Variants in PTPRT observed in about 807,000 individuals in gnomAD.
PTPRT encodes receptor-type tyrosine-protein phosphatase T.
In PTPRT, 56 loss-of-function variants were observed where a neutral mutation model predicts 176.8. That is an observed-to-expected ratio of 0.32 (90% CI 0.26 to 0.40). PTPRT has a LOEUF of 0.40. PTPRT is among the 10% of genes least tolerant of loss of function. The pLI is 1.00. For missense variants in PTPRT, 1,540 were observed against 1,908.2 expected, an observed-to-expected ratio of 0.81 and a Z score of 3.60; for synonymous variants, 783 against 739.0, an observed-to-expected ratio of 1.06 and a Z score of -0.96.
At chr20:43,069,458 T>C (rs75320808) in intron 1 of PTPRT, among the ~76,000 whole-genome samples, 2,610 of 152,258 alleles carry the variant, frequency 0.017, 51 homozygotes, top group East Asian at 0.076. Flanking sequence ...ACAGAATGAA[T>C]CCAACTTGCC....
In PTPRT at chr20:42,077,786, T is replaced by C. The variant is rs982488683; in HGVS notation, c.*3093A>G. On this transcript the variant is annotated 3_prime_UTR_variant, in exon 31 of 31. Coordinates refer to ENST00000373187, the MANE Select transcript of PTPRT (RefSeq NM_007050.6). ...GCTGGGGGAAATCATCACTGGCCCT[T>C]GCTGGGTTACCCCAACATGGCCTGA... 1 of 196,944 alleles carries C rather than the reference T, an allele frequency of 5.1e-6. No individual in the cohort carries two copies. The highest frequency in any genetic ancestry group is 1.0e-5 in the Non-Finnish European group (1 of 95,990). 12.2% of individuals were successfully genotyped at this position (196,944 alleles called of 1,614,324 possible).
At chr20:42,248,534 T>G (rs1159172620) in intron 14 of PTPRT, among the ~76,000 whole-genome samples, 153 bp downstream of exon 14, 1 of 152,086 alleles carries the variant, frequency 6.6e-6, no homozygotes, top group Non-Finnish European at 1.5e-5. Context: ...AGCAACACAA[T>G]GAACCACAGC....
At chr20:42,381,197 G>C (rs1349551777) in intron 9 of PTPRT, among the ~76,000 whole-genome samples, 1 of 152,108 alleles carries the variant, frequency 6.6e-6, no homozygotes, top group Non-Finnish European at 1.5e-5. Context: ...ATTTGGGTGG[G>C]GACACAGATT....
At chr20:42,958,332 AGG>A (rs373123335) in intron 1 of PTPRT, among the ~76,000 whole-genome samples, 14 of 57,818 alleles carry the variant, frequency 2.4e-4, no homozygotes, top group South Asian at 2.2e-3. Context: ...GCAAGGGAGG[AGG>A]GAGGGGAGAG....
chr20:42,422,404 CT>C (rs1181450091), intron 9 of PTPRT, among the ~76,000 whole-genome samples: 2 of 152,136 alleles, frequency 1.3e-5, no homozygotes, highest in East Asian at 3.8e-4. Context: ...TGAGCAGACA[CT>C]TTTCAAAAGA....
chr20:43,152,087 T>C (rs2014373314), intron 1 of PTPRT, among the ~76,000 whole-genome samples: 1 of 152,188 alleles, frequency 6.6e-6, no homozygotes, highest in Non-Finnish European at 1.5e-5. Context: ...TTCCTCGTCA[T>C]GGAAACAACT....
chr20:42,124,478 G>A (rs1040136931), intron 19 of PTPRT, among the ~76,000 whole-genome samples: 8 of 152,208 alleles, frequency 5.3e-5, no homozygotes, highest in South Asian at 2.1e-4. Flanking sequence ...ACCTGCCAGC[G>A]GGATGGTTCA....
chr20:43,092,616 T>C (rs966949784), intron 1 of PTPRT, among the ~76,000 whole-genome samples: 2 of 152,232 alleles, frequency 1.3e-5, no homozygotes, highest in African/African-American at 4.8e-5. Context: ...ATGTGACTAG[T>C]TCTGCCCACT....
At chr20:42,799,062 C>G (rs1169940778) in intron 2 of PTPRT, among the ~76,000 whole-genome samples, 1 of 148,668 alleles carries the variant, frequency 6.7e-6, no homozygotes, top group Non-Finnish European at 1.5e-5. Context: ...AGACACAAGA[C>G]AAAGAAGGAA....
chr20:42,095,028 G>C (rs1985053659), intron 27 of PTPRT, among the ~76,000 whole-genome samples: 1 of 152,142 alleles, frequency 6.6e-6, no homozygotes, highest in African/African-American at 2.4e-5. Flanking sequence ...CCTGGCCCTT[G>C]ATTCCTCTTT....
chr20:42,931,267 A>G (rs887934720), intron 1 of PTPRT, among the ~76,000 whole-genome samples: 1 of 152,200 alleles, frequency 6.6e-6, no homozygotes, highest in Non-Finnish European at 1.5e-5. Context: ...TCCTAATCCA[A>G]TGGGATTGGT....
chr20:42,440,698 C>T (rs996691952), intron 9 of PTPRT, among the ~76,000 whole-genome samples: 2 of 152,058 alleles, frequency 1.3e-5, no homozygotes, highest in South Asian at 2.1e-4. Flanking sequence ...AGGATGGTCT[C>T]GATCTCCTGA....
Position 42,622,344 on chromosome 20 carries a change from C to T in PTPRT, c.1153+55522G>A, listed in dbSNP as rs149192635. Among the ~76,000 whole-genome samples the T allele has an allele frequency of 1.4e-3, 216 of 152,080 alleles. 2 individuals carry two copies. The highest frequency in any genetic ancestry group is 0.013 in the Admixed American group (192 of 15,288). On this transcript the variant is annotated intron_variant, in intron 7 of 30. Transcript: ENST00000373187. ...GCAAGCTCCACCTCCTGGGTTCATG[C>T]CATTCTCCTGCCTCAGCCTCCCGAG...
chr20:42,493,033 T>C (rs1351075391), intron 7 of PTPRT, among the ~76,000 whole-genome samples: 1 of 152,212 alleles, frequency 6.6e-6, no homozygotes, highest in Non-Finnish European at 1.5e-5. Flanking sequence ...TGCTAACTTG[T>C]ATCCACCTTA....
intron 2 of PTPRT, among the ~76,000 whole-genome samples, chr20:42,882,853 T>C (rs1177902122): frequency 6.6e-6 from 1 of 152,212 alleles, no homozygotes; most frequent in Non-Finnish European, 1.5e-5. Context: ...TTACAAAGAA[T>C]GCTGACCCAG....
chr20:42,659,652 C>T (rs1024315316), intron 7 of PTPRT, among the ~76,000 whole-genome samples: 1 of 152,162 alleles, frequency 6.6e-6, no homozygotes, highest in African/African-American at 2.4e-5. Context: ...AATCCATGTA[C>T]CAACTATAAA....
intron 7 of PTPRT, among the ~76,000 whole-genome samples, chr20:42,624,005 C>CAAAAAAAAAAAAAAAAAACAA: frequency 7.4e-6 from 1 of 135,756 alleles, no homozygotes; most frequent in East Asian, 2.0e-4. Context: ...AAAACAATAG[C>CAAAAAAAAAAAAAAAAAACAA]AACAAACAAA....
At chr20:42,312,195 T>C (rs1166717676) in intron 12 of PTPRT, among the ~76,000 whole-genome samples, 1 of 152,238 alleles carries the variant, frequency 6.6e-6, no homozygotes, top group Non-Finnish European at 1.5e-5. Flanking sequence ...TTCTTTATTT[T>C]GATTAATTGC....
intron 7 of PTPRT, among the ~76,000 whole-genome samples, chr20:42,675,957 A>G (rs1362163461): frequency 1.3e-5 from 2 of 152,202 alleles, no homozygotes; most frequent in African/African-American, 2.4e-5. Flanking sequence ...CTCTGATTTT[A>G]TAAATTGACC....
Sources: gnomAD v4.1 joint callset for allele counts (sites outside exome capture counted in the v4.1 genomes callset) on GRCh38, gnomAD v4.1.1 for gene constraint, MANE v1.5 for transcripts, NCBI Gene and HGNC (gene_info 2026-07-23, HGNC 2026-07-21) for gene names.